The following PLXDC2 variants were observed in gnomAD, a reference collection of about 807,000 sequenced individuals.
PLXDC2 encodes the protein plexin domain-containing protein 2.
In PLXDC2, 40 loss-of-function variants were observed where a neutral mutation model predicts 68.9. The ratio of observed to expected loss-of-function variants is 0.58; its 90% CI spans 0.45 to 0.76. PLXDC2 has a LOEUF of 0.76. Among genes scored for constraint, PLXDC2 ranks in the 30% least tolerant of loss-of-function variants. The probability of loss-of-function intolerance (pLI) is 0.00; values close to 1 mark genes in which losing one functional copy is unlikely to be tolerated. For synonymous variants in PLXDC2, 243 were observed against 234.2 expected, an observed-to-expected ratio of 1.04 and a Z score of -0.34; for missense variants, 644 against 661.9, an observed-to-expected ratio of 0.97 and a Z score of 0.30.
intron 9 of PLXDC2, among the ~76,000 whole-genome samples, chr10:20,208,968 A>G (rs1338163511): frequency 2.0e-5 from 3 of 152,126 alleles, no homozygotes; most frequent in Non-Finnish European, 4.4e-5. Context: ...GGTGTGGGCC[A>G]CAGAGATCAC....
chr10:19,999,248 T>C (rs1383696046), intron 1 of PLXDC2, among the ~76,000 whole-genome samples: 1 of 152,172 alleles, frequency 6.6e-6, no homozygotes, highest in East Asian at 1.9e-4. Context: ...TGTTTTGTCC[T>C]ATGTTATAAA....
intron 10 of PLXDC2, among the ~76,000 whole-genome samples, chr10:20,212,743 G>T (rs1041238727): frequency 1.3e-5 from 2 of 152,190 alleles, no homozygotes; most frequent in East Asian, 3.9e-4. Flanking sequence ...ATGCAGTATT[G>T]CCAGTGTAGC....
chr10:20,175,164 A>G (rs1340086936), intron 7 of PLXDC2, among the ~76,000 whole-genome samples: 1 of 152,226 alleles, frequency 6.6e-6, no homozygotes, highest in Non-Finnish European at 1.5e-5. Context: ...CAAAAAGTGT[A>G]TCTAATATGT....
intron 1 of PLXDC2, among the ~76,000 whole-genome samples, chr10:19,925,602 A>G (rs12767189): frequency 0.24 from 35,899 of 152,022 alleles, 5,049 homozygotes; most frequent in South Asian, 0.36. Context: ...ATTCCTTTCC[A>G]TTTTTTCCTA....
At chr10:20,146,518 TCCTCCCTC>T (rs35742464) in intron 5 of PLXDC2, among the ~76,000 whole-genome samples, 2 of 115,632 alleles carry the variant, frequency 1.7e-5, no homozygotes, top group African/African-American at 7.0e-5. Context: ...CTTCCTTCCT[TCCTCCCTC>T]CCTCCCTCCC....
intron 10 of PLXDC2, among the ~76,000 whole-genome samples, chr10:20,215,200 C>G (rs1017480761): frequency 6.6e-6 from 1 of 151,906 alleles, no homozygotes; most frequent in African/African-American, 2.4e-5. Context: ...GTCACAGAAA[C>G]CAAGACAGGG....
chr10:19,820,576 G>C (rs1836446156), intron 1 of PLXDC2, among the ~76,000 whole-genome samples: 1 of 151,400 alleles, frequency 6.6e-6, no homozygotes, highest in South Asian at 2.1e-4. Context: ...GGAGCTTGCA[G>C]TGAGCCGAGA....
intron 1 of PLXDC2, among the ~76,000 whole-genome samples, chr10:19,931,021 A>G (rs1833622257): frequency 6.6e-6 from 1 of 152,218 alleles, no homozygotes; most frequent in Non-Finnish European, 1.5e-5. Context: ...ATGGAAAGAA[A>G]GAAAAGACGG....
At chr10:20,135,234 G>C (rs1458947888) in intron 4 of PLXDC2, among the ~76,000 whole-genome samples, 1 of 152,178 alleles carries the variant, frequency 6.6e-6, no homozygotes, top group Non-Finnish European at 1.5e-5. Context: ...TATTTTGATA[G>C]AGGAAATAAA....
intron 4 of PLXDC2, among the ~76,000 whole-genome samples, chr10:20,108,698 G>T (rs1349333552): frequency 1.3e-5 from 2 of 152,062 alleles, no homozygotes; most frequent in Non-Finnish European, 2.9e-5. Context: ...TTTTTAAATT[G>T]AGGTTATGTC....
chr10:20,233,289 G>A (rs562769571), intron 12 of PLXDC2, among the ~76,000 whole-genome samples: 6 of 151,768 alleles, frequency 4.0e-5, no homozygotes, highest in African/African-American at 7.3e-5. Context: ...ACTTAGTGAA[G>A]CTGAGGCGAG....
At chr10:20,121,918 T>G (rs1833702427) in intron 4 of PLXDC2, among the ~76,000 whole-genome samples, 1 of 152,078 alleles carries the variant, frequency 6.6e-6, no homozygotes, top group Non-Finnish European at 1.5e-5. Flanking sequence ...TTGGCATCAA[T>G]CGGGGTAAGG....
At chr10:19,996,481 G>T (rs1305996996) in intron 1 of PLXDC2, among the ~76,000 whole-genome samples, 1 of 152,158 alleles carries the variant, frequency 6.6e-6, no homozygotes, top group African/African-American at 2.4e-5. Flanking sequence ...AGCTACTCAG[G>T]AGGCTGAGGT....
intron 9 of PLXDC2, among the ~76,000 whole-genome samples, chr10:20,191,003 C>A (rs1413301872): frequency 6.6e-6 from 1 of 151,920 alleles, no homozygotes; most frequent in Non-Finnish European, 1.5e-5. Flanking sequence ...GAGATGCAAT[C>A]TTACCCGTTA....
At chr10:19,833,783 G>C (rs977543287) in intron 1 of PLXDC2, among the ~76,000 whole-genome samples, 17 of 152,290 alleles carry the variant, frequency 1.1e-4, no homozygotes, top group African/African-American at 3.4e-4. Context: ...CTACCTGTGT[G>C]TTAGTGAATT....
At chr10:19,906,939 G>A (rs1257315672) in intron 1 of PLXDC2, among the ~76,000 whole-genome samples, 1 of 152,130 alleles carries the variant, frequency 6.6e-6, no homozygotes, top group Non-Finnish European at 1.5e-5. Context: ...GCACAGTCAT[G>A]TGTGATAGCC....
chr10:20,177,169 T>C, intron 8 of PLXDC2, 75 bp downstream of exon 8: 1 of 1,379,930 alleles, frequency 7.2e-7, no homozygotes, highest in African/African-American at 1.4e-5. Flanking sequence ...ATAGTTATAA[T>C]AATCATATTA....
At chr10:20,044,211 G>GCCTT (rs1835742642) in intron 2 of PLXDC2, among the ~76,000 whole-genome samples, 2 of 68,594 alleles carry the variant, frequency 2.9e-5, no homozygotes, top group South Asian at 1.2e-3. Context: ...CTCTCTCTCT[G>GCCTT]TCTTTCTTTC....
intron 3 of PLXDC2, among the ~76,000 whole-genome samples, chr10:20,057,434 T>G (rs1836018492): frequency 6.6e-6 from 1 of 152,170 alleles, no homozygotes; most frequent in Admixed American, 6.5e-5. Context: ...TACCTCATTA[T>G]AGCGTATCAC....
Sources: allele counts gnomAD v4.1 joint callset (sites outside exome capture counted in the v4.1 genomes callset), GRCh38; gene constraint gnomAD v4.1.1; transcripts MANE v1.5; gene names NCBI Gene and HGNC (gene_info 2026-07-23, HGNC 2026-07-21).